Variants in STK39 observed in about 807,000 individuals in gnomAD.
STK39 encodes serine/threonine kinase 39.
STK39 carries 20 observed loss-of-function variants against 77.8 expected under a neutral mutation model. The observed-to-expected ratio is 0.26, with a 90% CI of 0.18 to 0.37. The LOEUF (loss-of-function observed/expected upper bound fraction) is 0.37, where lower values mean the gene tolerates loss of function less well. Among genes scored for constraint, STK39 ranks in the 10% least tolerant of loss-of-function variants. The pLI, the probability that STK39 is intolerant of heterozygous loss-of-function variation, is 1.00. For synonymous variants in STK39, 246 were observed against 234.1 expected (o/e 1.05, Z -0.47); for missense variants, 479 against 656.5 (o/e 0.73, Z 2.95).
In STK39 at chr2:167,964,564, A is replaced by G. The variant is rs905809690; in HGVS notation, c.1563+98T>C. On this transcript the variant is annotated intron_variant, in intron 17 of 17. Transcript: ENST00000355999. ...ATTGATTCTAAAAGAAAACAACAAC[A>G]GCAAAATTACAGAGTAGGTTATTAA... 29 of 1,149,412 alleles carry G rather than the reference A, an allele frequency of 2.5e-5. 1 individual carries two copies. The South Asian group carries it at 3.7e-4, about 15-fold the overall frequency. 71.2% of individuals were successfully genotyped at this position (1,149,412 alleles called of 1,614,324 possible).
At chr2:168,126,214 A>C (rs1013609098) in intron 10 of STK39, among the ~76,000 whole-genome samples, 21 of 152,162 alleles carry the variant, frequency 1.4e-4, no homozygotes, top group African/African-American at 5.1e-4. Flanking sequence ...TAAGACAAAA[A>C]TCAATGGATC....
At chr2:168,238,787 T>C (rs1316805872) in intron 1 of STK39, among the ~76,000 whole-genome samples, 4 of 152,232 alleles carry the variant, frequency 2.6e-5, no homozygotes, top group Non-Finnish European at 5.9e-5. Context: ...TTTTAATTAA[T>C]ATATTGAATT....
intron 15 of STK39, among the ~76,000 whole-genome samples, chr2:168,015,554 A>G (rs1684383011): frequency 6.6e-6 from 1 of 152,218 alleles, no homozygotes. Flanking sequence ...GCGGCTGCCA[A>G]AGCCAGTGCC....
chr2:168,005,407 C>T (rs569864148), intron 16 of STK39, among the ~76,000 whole-genome samples: 89 of 133,698 alleles, frequency 6.7e-4, no homozygotes, highest in Non-Finnish European at 3.8e-4. Context: ...CGTGGGAAAA[C>T]GCAGAGAGGA....
intron 1 of STK39, among the ~76,000 whole-genome samples, chr2:168,215,251 A>G (rs1003949589): frequency 6.6e-6 from 1 of 152,068 alleles, no homozygotes; most frequent in African/African-American, 2.4e-5. Flanking sequence ...GACTCCAATC[A>G]TACTCTCCCC....
At chr2:168,052,234 C>T (rs1448668425) in intron 14 of STK39, among the ~76,000 whole-genome samples, 1 of 152,142 alleles carries the variant, frequency 6.6e-6, no homozygotes, top group Non-Finnish European at 1.5e-5. Flanking sequence ...GAGAACCTGC[C>T]TTGCAGTTCT....
rs1350962480 is a variant in STK39 at position 168,059,854 on chromosome 2, T to C, written c.1376+3646A>G. 3.3e-5 allele frequency among the ~76,000 whole-genome samples: 5 copies of C among 152,184 alleles called. No homozygotes were observed. In the East Asian group the frequency reaches 5.8e-4, roughly 18 times the overall value. On this transcript the variant is annotated intron_variant, in intron 14 of 17. Coordinates refer to ENST00000355999, the MANE Select transcript of STK39 (RefSeq NM_013233.3). ...TTCCTTCAGACAACCTGGTATATCA[T>C]ACAACCAATTTGAATATTTGAATTT...
In STK39 at chr2:168,157,561, C is replaced by T. The variant is rs76051391; in HGVS notation, c.628+4226G>A. Among the ~76,000 whole-genome samples, 344 of 152,184 alleles carry T rather than the reference C, an allele frequency of 2.3e-3. 2 individuals carry two copies. Among genetic ancestry groups the T allele is most frequent in the African/African-American group, 7.8e-3 (322 of 41,532 alleles). ...GCAGATTCACTATCTAGTAAGGACC[C>T]GCCTTCTTGTTTATAGATGGTGCCT... On this transcript the variant is annotated intron_variant, in intron 5 of 17. Transcript: ENST00000355999.
intron 14 of STK39, among the ~76,000 whole-genome samples, chr2:168,043,489 T>A (rs1006749679): frequency 1.3e-5 from 2 of 152,240 alleles, no homozygotes; most frequent in African/African-American, 4.8e-5. Context: ...CCCTACTTGA[T>A]TAAATCATGT....
At chr2:168,230,121 G>A (rs534047437) in intron 1 of STK39, among the ~76,000 whole-genome samples, 1 of 152,310 alleles carries the variant, frequency 6.6e-6, no homozygotes, top group South Asian at 2.1e-4. Flanking sequence ...TTGAGCTGCT[G>A]TGGCAAGGAA....
intron 14 of STK39, among the ~76,000 whole-genome samples, chr2:168,044,786 G>A (rs904070007): frequency 2.0e-5 from 3 of 152,102 alleles, no homozygotes; most frequent in African/African-American, 7.2e-5. Context: ...GCTGGGCAAG[G>A]GTCACAGAAG....
intron 10 of STK39, among the ~76,000 whole-genome samples, chr2:168,103,472 T>C (rs531309246): frequency 1.3e-5 from 2 of 152,328 alleles, no homozygotes; most frequent in African/African-American, 2.4e-5. Context: ...ACAGAAAACA[T>C]TGCCCTTCTT....
intron 15 of STK39, 75 bp from the exon 16 acceptor site, chr2:168,012,777 A>AC: frequency 8.1e-7 from 1 of 1,242,184 alleles, no homozygotes; most frequent in Non-Finnish European, 1.1e-6. Context: ...TGTAAAATAT[A>AC]TATTTTTCAT....
At chr2:167,999,394 C>G (rs1056562301) in intron 16 of STK39, among the ~76,000 whole-genome samples, 1 of 152,186 alleles carries the variant, frequency 6.6e-6, no homozygotes, top group East Asian at 1.9e-4. Context: ...TTCTTGAGGG[C>G]AAGGACCCTG....
chr2:168,135,564 A>G (rs1386824013), intron 8 of STK39, among the ~76,000 whole-genome samples: 2 of 152,244 alleles, frequency 1.3e-5, no homozygotes, highest in African/African-American at 2.4e-5. Flanking sequence ...TCCAATGACA[A>G]AAGCAAAGGC....
chr2:168,172,985 G>A (rs906389414), intron 2 of STK39, among the ~76,000 whole-genome samples: 1 of 152,176 alleles, frequency 6.6e-6, no homozygotes, highest in Non-Finnish European at 1.5e-5. Flanking sequence ...CTGTAAATTG[G>A]TTTAGGAGAC....
At chr2:168,009,171 C>T (rs1181414042) in intron 16 of STK39, among the ~76,000 whole-genome samples, 2 of 151,880 alleles carry the variant, frequency 1.3e-5, no homozygotes, top group Non-Finnish European at 2.9e-5. Context: ...ACAGAAATAG[C>T]TGTAATGGGA....
At chr2:168,059,731 A>C (rs535146027) in intron 14 of STK39, among the ~76,000 whole-genome samples, 1 of 152,290 alleles carries the variant, frequency 6.6e-6, no homozygotes, top group South Asian at 2.1e-4. Flanking sequence ...CTAAGTTGCT[A>C]AGTTTGTGAT....
intron 5 of STK39, among the ~76,000 whole-genome samples, chr2:168,161,513 T>C (rs1688572490): frequency 6.6e-6 from 1 of 152,224 alleles, no homozygotes; most frequent in Non-Finnish European, 1.5e-5. Flanking sequence ...ATTACCATTA[T>C]AAAATGTGAA....
Sources: allele counts gnomAD v4.1 joint callset (sites outside exome capture counted in the v4.1 genomes callset), GRCh38; gene constraint gnomAD v4.1.1; transcripts MANE v1.5; gene names NCBI Gene and HGNC (gene_info 2026-07-23, HGNC 2026-07-21).